The following NMUR2 variants were observed in gnomAD, a reference collection of about 807,000 sequenced individuals.
NMUR2 encodes the protein neuromedin U receptor 2.
Under a neutral mutation model 25.1 loss-of-function variants are expected in NMUR2, and 24 were observed. That is an observed-to-expected ratio of 0.96 (90% CI 0.69 to 1.34). NMUR2 has a LOEUF of 1.34. Ranked by LOEUF, NMUR2 falls within the 40% of genes most tolerant of loss-of-function variation. The probability of loss-of-function intolerance (pLI) is 0.00; values close to 1 mark genes in which losing one functional copy is unlikely to be tolerated. For synonymous variants in NMUR2, 218 were observed against 208.1 expected (o/e 1.05, Z -0.41); for missense variants, 533 against 512.8 (o/e 1.04, Z -0.38).
chr5:152,405,081 G>A lies in NMUR2; in HGVS notation c.33C>T (p.Ser11=). MSGMEKLQNA[S]WIYQQKLEDP... ...CTTCTAGTTTCTGCTGGTAGATCCA[G>A]GAAGCATTCTGAAGTTTTTCCATCC... is the stretch of plus-strand genomic sequence containing the variant. The change falls in exon 1 of 4, where the codon TCC becomes TCT. Residue 11 remains serine (S), a synonymous_variant. Coordinates refer to ENST00000255262, the MANE Select transcript of NMUR2 (RefSeq NM_020167.5). 3 of 1,612,478 alleles carry A rather than the reference G, an allele frequency of 1.9e-6. No individual in the cohort carries two copies. The highest frequency in any genetic ancestry group is 1.1e-5 in the South Asian group (1 of 90,974).
chr5:152,397,048 A>G (rs1753166233), intron 2 of NMUR2, among the ~76,000 whole-genome samples: 1 of 115,640 alleles, frequency 8.6e-6, no homozygotes, highest in Non-Finnish European at 2.0e-5. Flanking sequence ...GTAGATTATG[A>G]CCAAGGAGAA....
At chr5:152,398,246 A>C in intron 1 of NMUR2, 102 bp from the exon 2 acceptor site, 1 of 765,872 alleles carries the variant, frequency 1.3e-6, no homozygotes, top group East Asian at 2.6e-5. Context: ...TGAAGACAGA[A>C]GAACTGAGAC....
chr5:152,394,121 C>T (rs575342986), intron 3 of NMUR2, among the ~76,000 whole-genome samples: 48 of 152,124 alleles, frequency 3.2e-4, no homozygotes, highest in Middle Eastern at 3.4e-3. Context: ...ATTGCCTTGA[C>T]GCATCCAGAG....
chr5:152,397,998 C>A, intron 2 of NMUR2, 62 bp downstream of exon 2: 1 of 1,189,622 alleles, frequency 8.4e-7, no homozygotes, highest in Admixed American at 1.8e-5. Flanking sequence ...TTAGTTGGTA[C>A]CAAATGTACC....
At chr5:152,393,667 G>A (rs565241227) in intron 3 of NMUR2, among the ~76,000 whole-genome samples, 105 of 152,254 alleles carry the variant, frequency 6.9e-4, no homozygotes, top group African/African-American at 2.4e-3. Flanking sequence ...ATACCAAGCA[G>A]TATCTGTTAA....
chr5:152,393,292 G>C (rs1466050625), intron 3 of NMUR2, among the ~76,000 whole-genome samples: 1 of 152,014 alleles, frequency 6.6e-6, no homozygotes, highest in Non-Finnish European at 1.5e-5. Context: ...CACCTCCCTG[G>C]ATTATTGTGA....
Position 152,392,281 on chromosome 5 carries a change from T to C in NMUR2, c.1158A>G (p.Ser386=), listed in dbSNP as rs754441461. Residue 386 remains serine (S), a synonymous_variant, in exon 4 of 4, where the codon TCA becomes TCG. Coordinates refer to ENST00000255262, the MANE Select transcript of NMUR2 (RefSeq NM_020167.5). ...EDIGPQFPCQ[S]SMHNSHLPAA... ...CTGGGAGGTGAGAGTTGTGCATGGA[T>C]GACTGACATGGGAATTGGGGACCTA... is the stretch of plus-strand genomic sequence containing the variant. The C allele has an allele frequency of 3.1e-6, 5 of 1,613,824 alleles. No individual in the cohort carries two copies. In the African/African-American group the frequency reaches 6.7e-5, roughly 22 times the overall value.
chr5:152,395,360 C>A, intron 3 of NMUR2, 99 bp downstream of exon 3: 1 of 1,334,072 alleles, frequency 7.5e-7, no homozygotes, highest in Non-Finnish European at 1.1e-6. Flanking sequence ...ATGGCAGATC[C>A]CCGTGATAAA....
In NMUR2 at chr5:152,404,600, C is replaced by T. The variant is rs770057944; in HGVS notation, c.514G>A (p.Gly172Ser). The change falls in exon 1 of 4, where the codon GGC becomes AGC. Residue 172 changes from glycine to serine, a missense_variant. Physicochemically the swap from Gly to Ser is moderately conservative, Grantham distance 56. Coordinates refer to ENST00000255262, the MANE Select transcript of NMUR2 (RefSeq NM_020167.5). ...RALRILGIVWGFSVLFSLPNT... is the reference protein window; with the variant it reads ...RALRILGIVWSFSVLFSLPNT... ...GGCAGGGAGAAGAGCACGGAGAAGC[C>T]CCAGACGATGCCGAGGATCCTGAGG... 1.2e-6 allele frequency: 2 copies of T among 1,614,094 alleles called. No homozygotes were observed. Among genetic ancestry groups the T allele is most frequent in the Non-Finnish European group, 1.7e-6 (2 of 1,180,030 alleles).
chr5:152,396,080 T>C (rs994232239), intron 2 of NMUR2, among the ~76,000 whole-genome samples: 5 of 152,136 alleles, frequency 3.3e-5, no homozygotes, highest in Admixed American at 2.6e-4. Context: ...GGGGTGTGTC[T>C]GTCATATTAT....
At chr5:152,399,303 C>T (rs1386006872) in intron 1 of NMUR2, among the ~76,000 whole-genome samples, 1 of 152,088 alleles carries the variant, frequency 6.6e-6, no homozygotes, top group African/African-American at 2.4e-5. Context: ...AGGGAATGTA[C>T]TCCTTCCCCA....
At chr5:152,399,681 G>A (rs909678524) in intron 1 of NMUR2, among the ~76,000 whole-genome samples, 17 of 152,226 alleles carry the variant, frequency 1.1e-4, no homozygotes, top group Non-Finnish European at 2.5e-4. Context: ...TAATAAGATC[G>A]TGTGTTTTAT....
intron 1 of NMUR2, among the ~76,000 whole-genome samples, chr5:152,404,016 C>T (rs1038370643): frequency 1.3e-5 from 2 of 152,022 alleles, no homozygotes; most frequent in African/African-American, 4.8e-5. Flanking sequence ...CCCCAGATCA[C>T]CTGATGTGCT....
intron 2 of NMUR2, among the ~76,000 whole-genome samples, chr5:152,397,021 T>TTTTTTTTTTTTTTTTTTTTTTG: frequency 6.7e-6 from 1 of 148,906 alleles, no homozygotes; most frequent in Non-Finnish European, 1.5e-5. Flanking sequence ...TGTTTTTTTT[T>TTTTTTTTTTTTTTTTTTTTTTG]TTTTTTTTTT....
Position 152,405,178 on chromosome 5 carries a change from AAAAAAAAAG to A in NMUR2, c.-74_-66del. On this transcript the variant is annotated 5_prime_UTR_variant, in exon 1 of 4. Transcript: ENST00000255262. ...GTTTCAAGCTGAGCCAGGAAAAAAA[AAAAAAAAAG>A]AAAAAAGGAAAACAAAAAAGAGAAA... is the stretch of plus-strand genomic sequence containing the variant. The A allele has an allele frequency of 6.7e-7, 1 of 1,492,018 alleles. No homozygotes were observed. Among genetic ancestry groups the A allele is most frequent in the Non-Finnish European group, 8.9e-7 (1 of 1,121,856 alleles). The allele number at this position is 1,492,018 out of a possible 1,614,324, so 92.4% of individuals were successfully genotyped here.
chr5:152,393,825 A>G (rs1225124487), intron 3 of NMUR2, among the ~76,000 whole-genome samples: 1 of 152,152 alleles, frequency 6.6e-6, no homozygotes, highest in Non-Finnish European at 1.5e-5. Context: ...GGAAGACAGG[A>G]GAGGGTGTTG....
chr5:152,395,314 C>G, intron 3 of NMUR2, 145 bp downstream of exon 3: 1 of 880,742 alleles, frequency 1.1e-6, no homozygotes, highest in South Asian at 1.8e-5. Context: ...TAATCAATCT[C>G]TGAATAAAAG....
rs757079685 is a variant in NMUR2 at position 152,392,170 on chromosome 5, G to A, written c.*21C>T. On this transcript the variant is annotated 3_prime_UTR_variant, in exon 4 of 4. Transcript: ENST00000255262. The stretch of plus-strand genomic sequence containing the variant: ...CTCTCTGAAGTTTTGAGGCATAGAG[G>A]AGAGTCAGCTCTGAAAGAATTCAGG... 6.3e-7 allele frequency: 1 copy of A among 1,589,896 alleles called. No homozygotes were observed. Among genetic ancestry groups the A allele is most frequent in the African/African-American group, 1.3e-5 (1 of 74,574 alleles).
chr5:152,395,645 G>T, intron 2 of NMUR2, 61 bp from the exon 3 acceptor site: 2 of 1,572,742 alleles, frequency 1.3e-6, no homozygotes, highest in Non-Finnish European at 8.7e-7. Flanking sequence ...GGTATACAAT[G>T]CTCACTCTGA....
Sources: allele counts gnomAD v4.1 joint callset (sites outside exome capture counted in the v4.1 genomes callset), GRCh38; gene constraint gnomAD v4.1.1; transcripts MANE v1.5; gene names NCBI Gene and HGNC (gene_info 2026-07-23, HGNC 2026-07-21).